The following PTTG1IP variants were observed in gnomAD, a reference collection of about 807,000 sequenced individuals.
PTTG1IP encodes the protein PTTG1 interacting protein.
In PTTG1IP, 16 loss-of-function variants were observed where a neutral mutation model predicts 24.4. The ratio of observed to expected loss-of-function variants is 0.66; its 90% confidence interval spans 0.44 to 1.00. The LOEUF (loss-of-function observed/expected upper bound fraction) is 1.00. Among genes scored for constraint, PTTG1IP ranks in the 50% least tolerant of loss-of-function variants. The pLI is 0.00. For missense variants in PTTG1IP, 241 were observed against 245.8 expected (o/e 0.98, Z 0.13); for synonymous variants, 89 against 96.8 (o/e 0.92, Z 0.47).
chr21:44,851,289 TG>T lies in PTTG1IP; in HGVS notation c.*291del. ...CTGGGTGCCGTCAGGCGGCTTCGTG[TG>T]CAGTTAGCGTTTCACAAACTGAGAA... On this transcript the variant is annotated 3_prime_UTR_variant, in exon 6 of 6. Coordinates refer to ENST00000330938, the MANE Select transcript of PTTG1IP (RefSeq NM_004339.4). The T allele has an allele frequency of 7.0e-7, 1 of 1,426,132 alleles. No homozygotes were observed. Among genetic ancestry groups the T allele is most frequent in the Non-Finnish European group, 9.3e-7 (1 of 1,077,718 alleles). 88.3% of individuals were successfully genotyped at this position (1,426,132 alleles called of 1,614,324 possible). A position where few individuals can be genotyped will look rare whatever the true frequency, so the allele number is the denominator to read the frequency against.
chr21:44,873,435 C>T (rs2083606951), intron 1 of PTTG1IP, 67 bp downstream of exon 1: 1 of 1,238,160 alleles, frequency 8.1e-7, no homozygotes, highest in Non-Finnish European at 1.0e-6. Flanking sequence ...ACCCCGACCC[C>T]GACCCCGACC....
intron 3 of PTTG1IP, among the ~76,000 whole-genome samples, chr21:44,860,642 T>C (rs988756057): frequency 4.6e-5 from 7 of 152,126 alleles, no homozygotes; most frequent in Non-Finnish European, 8.8e-5. Flanking sequence ...CGTGGTGAGA[T>C]AGAGCTCAGT....
At position 44,851,564 on chromosome 21, in the gene PTTG1IP, T is replaced by C; in HGVS notation, c.*17A>G. 6.2e-7 allele frequency: 1 copy of C among 1,611,292 alleles called. No homozygotes were observed. The highest frequency in any genetic ancestry group is 8.5e-7 in the Non-Finnish European group (1 of 1,177,514). ...TGCACCTCACAGGAAGCGTCGGGAC[T>C]GATGTGCTGGAGCGCTTTAGTTGTT... On this transcript the variant is annotated 3_prime_UTR_variant, in exon 6 of 6. Coordinates refer to ENST00000330938, the MANE Select transcript of PTTG1IP (RefSeq NM_004339.4).
intron 1 of PTTG1IP, among the ~76,000 whole-genome samples, chr21:44,871,846 T>C (rs974848569): frequency 2.0e-5 from 3 of 151,994 alleles, no homozygotes; most frequent in African/African-American, 7.3e-5. Flanking sequence ...GAAACAACAG[T>C]CCACCCACCA....
Position 44,861,455 on chromosome 21 carries a change from C to G in PTTG1IP, c.169-184G>C, listed in dbSNP as rs1036896079. On this transcript the variant is annotated intron_variant, in intron 2 of 5. Transcript: ENST00000330938. ...GCCCTTCGGTCCACACCCAGCACAG[C>G]GGCCAGCAGCCCTGTCAGCTCTCCA... Among the ~76,000 whole-genome samples, 9 of 152,228 alleles carry G rather than the reference C, an allele frequency of 5.9e-5. No individual in the cohort carries two copies. In the East Asian group the frequency reaches 1.7e-3, roughly 29 times the overall value.
At chr21:44,868,186 C>T (rs1323405396) in intron 1 of PTTG1IP, among the ~76,000 whole-genome samples, 1 of 152,170 alleles carries the variant, frequency 6.6e-6, no homozygotes, top group Non-Finnish European at 1.5e-5. Flanking sequence ...TTACAGGAAA[C>T]TTTGATAAGA....
At chr21:44,859,878 T>A (rs996526233) in intron 3 of PTTG1IP, among the ~76,000 whole-genome samples, 9 of 152,188 alleles carry the variant, frequency 5.9e-5, no homozygotes, top group African/African-American at 1.4e-4. Context: ...GAGTGGTAAG[T>A]AAGACGTAAG....
chr21:44,873,213 G>A (rs1032320758), intron 1 of PTTG1IP, among the ~76,000 whole-genome samples: 21 of 152,250 alleles, frequency 1.4e-4, no homozygotes, highest in East Asian at 3.8e-4. Context: ...CCTGCCGGGC[G>A]AGGGCCAACC....
chr21:44,870,645 A>C (rs235370), intron 1 of PTTG1IP, among the ~76,000 whole-genome samples: 47,600 of 152,018 alleles, frequency 0.31, 10,801 homozygotes, highest in African/African-American at 0.64. Flanking sequence ...TACAGAAAAA[A>C]CATGTGCTAG....
At chr21:44,854,784 G>T (rs1400271639) in intron 5 of PTTG1IP, among the ~76,000 whole-genome samples, 5 of 152,184 alleles carry the variant, frequency 3.3e-5, no homozygotes, top group African/African-American at 7.2e-5. Context: ...GGCCGGTGCT[G>T]GGGAGTGCTT....
rs971862134 is a variant in PTTG1IP, at chr21:44,873,588, G to A, written c.29C>T (p.Thr10Met). 9.6e-6 allele frequency: 14 copies of A among 1,459,558 alleles called. No homozygotes were observed. The highest frequency in any genetic ancestry group is 1.5e-5 in the African/African-American group (1 of 67,796). The allele number at this position is 1,459,558 out of a possible 1,614,324, so 90.4% of individuals were successfully genotyped here. A position where few individuals can be genotyped will look rare whatever the true frequency, so the allele number is the denominator to read the frequency against. The change falls in exon 1 of 6, where the codon ACG becomes ATG. Residue 10 changes from threonine (T) to methionine (M), a missense_variant. Physicochemically the swap from Thr to Met is moderately conservative, Grantham distance 81. Coordinates refer to ENST00000330938, the MANE Select transcript of PTTG1IP (RefSeq NM_004339.4). MAPGVARGP[T>M]PYWRLRLGGA... ...ACCGAGGCGCAACCTCCAGTACGGC[G>A]TCGGCCCGCGGGCCACTCCGGGCGC...
intron 1 of PTTG1IP, chr21:44,873,108 GT>G (rs1397870555): frequency 6.5e-6 from 1 of 153,042 alleles, no homozygotes; most frequent in African/African-American, 2.4e-5. Context: ...CCTCGAACAC[GT>G]CGTGAGCCGG....
rs149889224 is a variant in PTTG1IP at position 44,865,368 on chromosome 21, C to T, written c.168+27G>A. On this transcript the variant is annotated intron_variant, in intron 2 of 5. Transcript: ENST00000330938. ...GCCTTTGGACGGTCTGGACGGCACTCTGGTCTCTAGTCCACGTGCTACTTA... is the reference window on the plus strand; with the variant it reads ...GCCTTTGGACGGTCTGGACGGCACTTTGGTCTCTAGTCCACGTGCTACTTA... 2.3e-5 allele frequency: 37 copies of T among 1,612,094 alleles called. No individual in the cohort carries two copies. In the African/African-American group the frequency reaches 2.7e-4, roughly 12 times the overall value.
chr21:44,862,542 C>T (rs917398824), intron 2 of PTTG1IP, among the ~76,000 whole-genome samples: 1 of 152,084 alleles, frequency 6.6e-6, no homozygotes, highest in East Asian at 1.9e-4. Context: ...AAAAGAACTG[C>T]CGTTCGGCAG....
At chr21:44,863,343 G>A (rs1386555709) in intron 2 of PTTG1IP, among the ~76,000 whole-genome samples, 1 of 79,036 alleles carries the variant, frequency 1.3e-5, no homozygotes, top group African/African-American at 6.6e-5. Context: ...GCTCCAACAC[G>A]CAGGTCCTCT....
At chr21:44,871,309 C>T (rs939333962) in intron 1 of PTTG1IP, among the ~76,000 whole-genome samples, 1 of 152,190 alleles carries the variant, frequency 6.6e-6, no homozygotes, top group Non-Finnish European at 1.5e-5. Context: ...GGACCCACCA[C>T]CTCGGGGACC....
intron 4 of PTTG1IP, among the ~76,000 whole-genome samples, chr21:44,855,658 G>GA (rs987633106): frequency 2.6e-5 from 4 of 152,214 alleles, no homozygotes; most frequent in African/African-American, 9.6e-5. Context: ...TGACTACATG[G>GA]AAAATCTGTC....
chr21:44,852,826 T>A (rs1044672444), intron 5 of PTTG1IP, among the ~76,000 whole-genome samples: 3 of 152,232 alleles, frequency 2.0e-5, no homozygotes, highest in Non-Finnish European at 4.4e-5. Flanking sequence ...GTATTTTATA[T>A]AACTGCACCA....
chr21:44,873,044 ACCCTGCAGGGGCCTGCGG>A (rs2083602778), intron 1 of PTTG1IP: 2 of 151,904 alleles, frequency 1.3e-5, no homozygotes, highest in Non-Finnish European at 2.9e-5. Flanking sequence ...CGGCCCCATC[ACCCTGCAGGGGCCTGCGG>A]CCGCCATCCC....
Sources: allele counts gnomAD v4.1 joint callset (sites outside exome capture counted in the v4.1 genomes callset), GRCh38; gene constraint gnomAD v4.1.1; transcripts MANE v1.5; gene names NCBI Gene and HGNC (gene_info 2026-07-23, HGNC 2026-07-21).